The following LPP variants were observed in gnomAD, a reference collection of about 807,000 sequenced individuals.
LPP encodes the protein LIM domain containing preferred translocation partner in lipoma, also known as lipoma-preferred partner.
LPP carries 38 observed loss-of-function variants against 60.4 expected under a neutral mutation model. The observed-to-expected ratio is 0.63, with a 90% CI of 0.49 to 0.83. The LOEUF (loss-of-function observed/expected upper bound fraction) is 0.83, where lower values mean the gene tolerates loss of function less well. Among genes scored for constraint, LPP ranks in the 40% least tolerant of loss-of-function variants. The pLI, the probability that LPP is intolerant of heterozygous loss-of-function variation, is 0.00. For synonymous variants in LPP, 328 were observed against 290.8 expected (o/e 1.13, Z -1.30); for missense variants, 902 against 783.6 (o/e 1.15, Z -1.80).
intron 8 of LPP, among the ~76,000 whole-genome samples, chr3:188,731,483 G>C (rs1436493373): frequency 2.5e-5 from 3 of 119,540 alleles, no homozygotes; most frequent in Non-Finnish European, 5.9e-5. Context: ...CTTGGCATTG[G>C]TCATTTTTGT....
chr3:188,480,200 G>A (rs1044294700), intron 4 of LPP, among the ~76,000 whole-genome samples: 1 of 152,212 alleles, frequency 6.6e-6, no homozygotes, highest in East Asian at 1.9e-4. Context: ...TTAACAATAT[G>A]CCTAACAGGC....
intron 1 of LPP, among the ~76,000 whole-genome samples, chr3:188,203,506 TATATATTTAA>T: frequency 1.4e-5 from 1 of 72,136 alleles, no homozygotes; most frequent in East Asian, 3.3e-4. Flanking sequence ...TATATAAATA[TATATATTTAA>T]ATATATATAA....
chr3:188,875,232 G>T lies in LPP; in HGVS notation c.*753G>T, dbSNP rs1196634522. ...GGGATATGCTAGAAAAGGCATTTTG[G>T]GGTTATGTTTAAAAAAACATTATTG... is the stretch of plus-strand genomic sequence containing the variant. On this transcript the variant is annotated 3_prime_UTR_variant, in exon 12 of 12. Transcript: ENST00000617246. 4.6e-6 allele frequency: 1 copy of T among 217,894 alleles called. No homozygotes were observed. Among genetic ancestry groups the T allele is most frequent in the Non-Finnish European group, 9.2e-6 (1 of 108,578 alleles). 13.5% of individuals were successfully genotyped at this position (217,894 alleles called of 1,614,324 possible).
intron 3 of LPP, among the ~76,000 whole-genome samples, chr3:188,400,874 T>C (rs550237356): frequency 6.6e-6 from 1 of 152,202 alleles, no homozygotes. Flanking sequence ...TTTTTGTGTT[T>C]ACATGGGTCT....
chr3:188,656,676 A>G (rs1054173009), intron 7 of LPP, among the ~76,000 whole-genome samples: 2 of 152,128 alleles, frequency 1.3e-5, no homozygotes, highest in African/African-American at 4.8e-5. Flanking sequence ...TGCTCTTAAC[A>G]TGACTTTCCC....
intron 1 of LPP, among the ~76,000 whole-genome samples, chr3:188,177,159 A>G (rs1723277152): frequency 6.6e-6 from 1 of 152,212 alleles, no homozygotes; most frequent in South Asian, 2.1e-4. Context: ...AAGGGGTAGC[A>G]GGCCTGGGGG....
At chr3:188,358,569 G>T (rs2150913357) in intron 3 of LPP, among the ~76,000 whole-genome samples, 1 of 152,324 alleles carries the variant, frequency 6.6e-6, no homozygotes, top group South Asian at 2.1e-4. Context: ...GGCCTTGAAT[G>T]AGTAGAATTA....
intron 9 of LPP, among the ~76,000 whole-genome samples, chr3:188,761,276 TTG>T (rs1223615331): frequency 6.6e-6 from 1 of 152,220 alleles, no homozygotes; most frequent in African/African-American, 2.4e-5. Flanking sequence ...GAAGACGTTT[TTG>T]GCCTGGTTGG....
intron 9 of LPP, among the ~76,000 whole-genome samples, chr3:188,819,040 G>C (rs1753243933): frequency 6.7e-6 from 1 of 149,566 alleles, no homozygotes; most frequent in Non-Finnish European, 1.5e-5. Context: ...GTGTGTGTGT[G>C]TGTGTGTGTG....
chr3:188,238,210 G>C (rs566744239), intron 2 of LPP, among the ~76,000 whole-genome samples: 1 of 152,198 alleles, frequency 6.6e-6, no homozygotes, highest in African/African-American at 2.4e-5. Context: ...ATTGAACAGA[G>C]TTAGGGCCTT....
intron 7 of LPP, among the ~76,000 whole-genome samples, chr3:188,672,122 G>A (rs1312000137): frequency 6.6e-6 from 1 of 152,180 alleles, no homozygotes; most frequent in Non-Finnish European, 1.5e-5. Flanking sequence ...TGAACTGACT[G>A]CGTAAGAATT....
intron 2 of LPP, among the ~76,000 whole-genome samples, chr3:188,264,335 G>A (rs553836616): frequency 6.6e-6 from 1 of 151,774 alleles, no homozygotes; most frequent in East Asian, 2.0e-4. Context: ...GAATAATTAT[G>A]AGGCCACATC....
At chr3:188,367,897 C>T (rs1233977646) in intron 3 of LPP, among the ~76,000 whole-genome samples, 1 of 152,144 alleles carries the variant, frequency 6.6e-6, no homozygotes, top group Non-Finnish European at 1.5e-5. Context: ...GACTTGTGTT[C>T]TGTGGAACAT....
At chr3:188,852,458 T>A (rs1468561961) in intron 9 of LPP, among the ~76,000 whole-genome samples, 1 of 152,200 alleles carries the variant, frequency 6.6e-6, no homozygotes, top group East Asian at 1.9e-4. Context: ...AATGCAACAG[T>A]GTTGAGAAGT....
intron 3 of LPP, among the ~76,000 whole-genome samples, chr3:188,370,777 T>C (rs1578394777): frequency 6.6e-6 from 1 of 152,138 alleles, no homozygotes; most frequent in East Asian, 1.9e-4. Context: ...TCTGGACAAG[T>C]CTTTCTATAG....
rs146472491 is a variant in LPP, at chr3:188,609,468, C to T, written c.737C>T (p.Ser246Leu). ...AAPSSGQIYG[S>L]GPQGYNTQPV... ...CCTTCATCAGGACAAATTTATGGCT[C>T]AGGGCCCCAGGGCTATAACACTCAG... The change falls in exon 7 of 12, where the codon TCA becomes TTA. Residue 246 changes from serine (S) to leucine (L), a missense_variant. By Grantham distance (145) the Ser-to-Leu change is moderately radical. Coordinates refer to ENST00000617246, the MANE Select transcript of LPP (RefSeq NM_001375462.1). This position sits in a 1 kb window ranked among gnomAD's most constrained non-coding sequence, Gnocchi z 6.9. 6,357 of 1,614,174 alleles carry T rather than the reference C, an allele frequency of 3.9e-3. 21 individuals are homozygous for T. Among genetic ancestry groups the T allele is most frequent in the Non-Finnish European group, 4.8e-3 (5,636 of 1,180,026 alleles).
intron 9 of LPP, among the ~76,000 whole-genome samples, chr3:188,837,496 G>A (rs1430633178): frequency 1.3e-5 from 2 of 151,852 alleles, no homozygotes; most frequent in African/African-American, 4.8e-5. Flanking sequence ...TGTGTTCACA[G>A]CTAAATTTGA....
At chr3:188,414,982 A>G (rs960057692) in intron 4 of LPP, among the ~76,000 whole-genome samples, 26 of 152,150 alleles carry the variant, frequency 1.7e-4, no homozygotes, top group African/African-American at 6.0e-4. Context: ...TGTATTGTTG[A>G]CAGAAATCTC....
intron 1 of LPP, among the ~76,000 whole-genome samples, chr3:188,206,234 G>T (rs566236624): frequency 6.6e-6 from 1 of 152,160 alleles, no homozygotes; most frequent in Admixed American, 6.5e-5. Flanking sequence ...TGAAGATCTT[G>T]GCTCTTGGCG....
Sources: gnomAD v4.1 joint callset for allele counts (sites outside exome capture counted in the v4.1 genomes callset) on GRCh38, gnomAD v4.1.1 for gene constraint, Gnocchi (gnomAD v3.1) non-coding constraint, MANE v1.5 for transcripts, NCBI Gene and HGNC (gene_info 2026-07-23, HGNC 2026-07-21) for gene names.